The following ZFYVE28 variants were observed in gnomAD, a reference collection of about 807,000 sequenced individuals.
ZFYVE28 encodes lateral signaling target protein 2 homolog.
Under a neutral mutation model 82.1 loss-of-function variants are expected in ZFYVE28, and 40 were observed. The observed-to-expected ratio is 0.49, with a 90% CI of 0.38 to 0.63. The LOEUF (loss-of-function observed/expected upper bound fraction) is 0.63, where lower values mean the gene tolerates loss of function less well. Among genes scored for constraint, ZFYVE28 ranks in the 30% least tolerant of loss-of-function variants. ZFYVE28 has a pLI of 0.00. For missense variants in ZFYVE28, 1,321 were observed against 1,242.1 expected (o/e 1.06, Z -0.96); for synonymous variants, 612 against 546.1 (o/e 1.12, Z -1.68).
At chr4:2,322,614 A>G (rs1024067205) in intron 6 of ZFYVE28, among the ~76,000 whole-genome samples, 3 of 152,192 alleles carry the variant, frequency 2.0e-5, no homozygotes, top group African/African-American at 7.2e-5. Context: ...AAATAAATTC[A>G]TATAACGAAC....
intron 8 of ZFYVE28, among the ~76,000 whole-genome samples, chr4:2,303,673 A>G (rs566897466): frequency 6.6e-6 from 1 of 151,968 alleles, no homozygotes; most frequent in East Asian, 1.9e-4. Context: ...AGACCTCCCC[A>G]TCTCCCCCCA....
At position 2,408,502 on chromosome 4, in the gene ZFYVE28, G is replaced by A. The variant is rs552688885; in HGVS notation, c.39+9783C>T. Among the ~76,000 whole-genome samples, 1 of 152,358 alleles carries A rather than the reference G, an allele frequency of 6.6e-6. No homozygotes were observed. The highest frequency in any genetic ancestry group is 2.1e-4 in the South Asian group (1 of 4,832). Reference sequence around the variant, plus strand: ...AAGCCTGGAGGGGGCCTGCCTGACAGCTGCACCAGCCGGGGTGGACCAAAG... The same window carrying A: ...AAGCCTGGAGGGGGCCTGCCTGACAACTGCACCAGCCGGGGTGGACCAAAG... On this transcript the variant is annotated intron_variant, in intron 1 of 12. Coordinates refer to ENST00000290974, the MANE Select transcript of ZFYVE28 (RefSeq NM_020972.3). The surrounding 1 kb of genome is among the most constrained non-coding windows in gnomAD (Gnocchi z 4.3).
chr4:2,336,564 C>A (rs939281718), intron 5 of ZFYVE28, among the ~76,000 whole-genome samples: 10 of 89,412 alleles, frequency 1.1e-4, no homozygotes, highest in African/African-American at 2.3e-4. Context: ...TTCCCCCTGC[C>A]CCCCCCACTC....
chr4:2,312,597 G>A (rs1192542369), intron 7 of ZFYVE28, among the ~76,000 whole-genome samples: 5 of 151,572 alleles, frequency 3.3e-5, no homozygotes, highest in Non-Finnish European at 5.9e-5. Flanking sequence ...GTGTGGTGGC[G>A]GGCGCCTGTA....
At chr4:2,277,599 A>G (rs994184805) in intron 8 of ZFYVE28, among the ~76,000 whole-genome samples, 1 of 152,234 alleles carries the variant, frequency 6.6e-6, no homozygotes, top group Non-Finnish European at 1.5e-5. Flanking sequence ...AATAGCATAA[A>G]AAAGATTAAA....
intron 2 of ZFYVE28, among the ~76,000 whole-genome samples, chr4:2,343,862 G>T (rs1723154180): frequency 6.6e-6 from 1 of 152,228 alleles, no homozygotes; most frequent in South Asian, 2.1e-4. Context: ...TGAGGGAAGG[G>T]TCTTCTGTTA....
intron 1 of ZFYVE28, among the ~76,000 whole-genome samples, chr4:2,381,554 G>A (rs556993756): frequency 3.7e-4 from 57 of 152,102 alleles, no homozygotes; most frequent in African/African-American, 1.2e-3. Context: ...CTACAGGCAC[G>A]CACCACCATG....
intron 4 of ZFYVE28, 52 bp from the exon 5 acceptor site, chr4:2,337,548 C>T (rs776165146): frequency 1.4e-6 from 2 of 1,470,906 alleles, no homozygotes; most frequent in Non-Finnish European, 9.2e-7. Flanking sequence ...GGCGGGGCCC[C>T]TCCAAAACAG....
intron 2 of ZFYVE28, among the ~76,000 whole-genome samples, chr4:2,350,543 T>G (rs1173249051): frequency 2.4e-4 from 37 of 151,986 alleles, no homozygotes; most frequent in Non-Finnish European, 1.6e-4. Flanking sequence ...GACATACAGC[T>G]CCTAAAAAGC....
At chr4:2,316,259 T>A (rs747982410) in intron 7 of ZFYVE28, 2 of 152,068 alleles carry the variant, frequency 1.3e-5, no homozygotes, top group Non-Finnish European at 2.9e-5. Context: ...TGCACTGTAA[T>A]GGTGCAATCC....
rs74636262 is a variant in ZFYVE28 at position 2,362,932 on chromosome 4, G to A, written c.40-8859C>T. Among the ~76,000 whole-genome samples the A allele has an allele frequency of 6.6e-4, 100 of 152,174 alleles. No homozygotes were observed. The highest frequency in any genetic ancestry group is 2.3e-3 in the African/African-American group (94 of 41,546). On this transcript the variant is annotated intron_variant, in intron 1 of 12. Transcript: ENST00000290974. The surrounding 1 kb of genome is among the most constrained non-coding windows in gnomAD (Gnocchi z 5.1). ...CCACCCCTGCTCTCTCTCAGGACTC[G>A]GTACTGGCCCTCCCTGTGGCCTTCG...
chr4:2,383,328 G>T (rs868187733), intron 1 of ZFYVE28, among the ~76,000 whole-genome samples: 9 of 152,172 alleles, frequency 5.9e-5, no homozygotes, highest in African/African-American at 1.9e-4. Context: ...CACGAGATCT[G>T]ATGGTTTTAT....
chr4:2,418,265 G>T lies in ZFYVE28; in HGVS notation c.39+20C>A, dbSNP rs1401972975. The T allele has an allele frequency of 2.0e-6, 3 of 1,535,556 alleles. No homozygotes were observed. The highest frequency in any genetic ancestry group is 2.6e-6 in the Non-Finnish European group (3 of 1,140,434). On this transcript the variant is annotated intron_variant, in intron 1 of 12. Transcript: ENST00000290974. The surrounding 1 kb of genome is among the most constrained non-coding windows in gnomAD (Gnocchi z 4.6). ...GAGGCCGCGACGCGGGGGGCGTCCG[G>T]CCCGAGCGGGGCCGCTCACCTTGGG... is the stretch of plus-strand genomic sequence containing the variant.
intron 6 of ZFYVE28, among the ~76,000 whole-genome samples, chr4:2,334,032 T>G (rs1304298228): frequency 6.6e-6 from 1 of 152,124 alleles, no homozygotes; most frequent in Non-Finnish European, 1.5e-5. Flanking sequence ...CACCCTGCCC[T>G]CCAGCCCTGA....
chr4:2,355,211 T>C (rs1453799449), intron 1 of ZFYVE28, among the ~76,000 whole-genome samples: 1 of 978 alleles, frequency 1.0e-3, no homozygotes, highest in Non-Finnish European at 3.1e-3. Context: ...TATATATATA[T>C]ATATATATAT....
intron 1 of ZFYVE28, among the ~76,000 whole-genome samples, chr4:2,388,861 G>A (rs1472315100): frequency 1.3e-5 from 2 of 152,142 alleles, no homozygotes; most frequent in East Asian, 3.9e-4. Context: ...GGAAGCAGAG[G>A]AGGGAGCTTA....
chr4:2,395,545 C>T (rs1444583988), intron 1 of ZFYVE28, among the ~76,000 whole-genome samples: 3 of 152,186 alleles, frequency 2.0e-5, no homozygotes, highest in South Asian at 4.1e-4. Flanking sequence ...GCCTGGCTGT[C>T]ACACTCAGGT....
At position 2,341,830 on chromosome 4, in the gene ZFYVE28, G is replaced by T. The variant is rs891093894; in HGVS notation, c.181-215C>A. On this transcript the variant is annotated intron_variant, in intron 2 of 12. Coordinates refer to ENST00000290974, the MANE Select transcript of ZFYVE28 (RefSeq NM_020972.3). The surrounding 1 kb of genome is among the most constrained non-coding windows in gnomAD (Gnocchi z 4.5). ...AGGTTAGGAGTTTGAGACCAGCCTG[G>T]CCAACATGGCGAAACCCCATCTCTA... Among the ~76,000 whole-genome samples the T allele has an allele frequency of 3.9e-5, 6 of 152,164 alleles. No individual in the cohort carries two copies. Among genetic ancestry groups the T allele is most frequent in the Admixed American group, 1.3e-4 (2 of 15,272 alleles).
intron 8 of ZFYVE28, among the ~76,000 whole-genome samples, chr4:2,280,682 G>A (rs1335115165): frequency 6.6e-6 from 1 of 152,176 alleles, no homozygotes; most frequent in African/African-American, 2.4e-5. Flanking sequence ...TATTGCTTTT[G>A]TGATCAGAAG....
Sources: gnomAD v4.1 joint callset for allele counts (sites outside exome capture counted in the v4.1 genomes callset) on GRCh38, gnomAD v4.1.1 for gene constraint, Gnocchi (gnomAD v3.1) non-coding constraint, MANE v1.5 for transcripts, NCBI Gene and HGNC (gene_info 2026-07-23, HGNC 2026-07-21) for gene names.